FARP1: variants seen among roughly 807,000 people sequenced by gnomAD.
The protein encoded by FARP1 is FERM, ARH/RhoGEF and pleckstrin domain protein 1.
In FARP1, 52 loss-of-function variants were observed where a neutral mutation model predicts 128.8. That is an observed-to-expected ratio of 0.40 (90% CI 0.32 to 0.51). The LOEUF (loss-of-function observed/expected upper bound fraction) is 0.51, where lower values mean the gene tolerates loss of function less well. FARP1 is among the 20% of genes least tolerant of loss of function. FARP1 has a pLI of 0.45. For missense variants in FARP1, 1,333 were observed against 1,367.9 expected, an observed-to-expected ratio of 0.97 and a Z score of 0.40; for synonymous variants, 580 against 551.8, an observed-to-expected ratio of 1.05 and a Z score of -0.72.
intron 2 of FARP1, among the ~76,000 whole-genome samples, chr13:98,337,302 A>G (rs2139850916): frequency 6.6e-6 from 1 of 152,156 alleles, no homozygotes; most frequent in Middle Eastern, 3.4e-3. Flanking sequence ...GAGCCCAGAG[A>G]TTGAGGTTGC....
chr13:98,235,888 A>G (rs144954942), intron 2 of FARP1, among the ~76,000 whole-genome samples: 1 of 139,250 alleles, frequency 7.2e-6, no homozygotes, highest in African/African-American at 2.8e-5. Flanking sequence ...TAATGGTGTG[A>G]TCTCGGCTCA....
At chr13:98,386,914 T>TAG (rs1480095397) in intron 8 of FARP1, among the ~76,000 whole-genome samples, 2 of 152,206 alleles carry the variant, frequency 1.3e-5, no homozygotes, top group Non-Finnish European at 2.9e-5. Context: ...TGCCAGGTAG[T>TAG]AGGGAGTGAC....
chr13:98,187,155 C>A (rs952219576), intron 1 of FARP1, among the ~76,000 whole-genome samples: 2 of 152,098 alleles, frequency 1.3e-5, no homozygotes, highest in African/African-American at 4.8e-5. Context: ...ATTCCATTTT[C>A]TACAGCTCAT....
chr13:98,349,536 T>TG (rs200289657), intron 3 of FARP1, among the ~76,000 whole-genome samples: 1,976 of 151,766 alleles, frequency 0.013, 21 homozygotes, highest in Middle Eastern at 0.021. Context: ...GCCCGTTTGG[T>TG]GGCACGCGTC....
chr13:98,297,202 A>G (rs951325965), intron 2 of FARP1, among the ~76,000 whole-genome samples: 1 of 152,176 alleles, frequency 6.6e-6, no homozygotes, highest in Non-Finnish European at 1.5e-5. Context: ...TCAACTGCAA[A>G]GTGACGTTCA....
chr13:98,438,880 G>C lies in FARP1; in HGVS notation c.2343+8G>C. The C allele has an allele frequency of 1.2e-6, 2 of 1,613,342 alleles. No individual in the cohort carries two copies. Among genetic ancestry groups the C allele is most frequent in the Non-Finnish European group, 1.7e-6 (2 of 1,179,496 alleles). On this transcript the variant is annotated splice_region_variant and intron_variant, in intron 20 of 26. Transcript: ENST00000319562. ...CAGCGCATGTTCTTCCTGGTGAGTG[G>C]AGAGAGCGGCTTGTCCTCACAAGGA... is the stretch of plus-strand genomic sequence containing the variant.
chr13:98,333,436 T>TACACACACACACACACACACACAC (rs60264788), intron 2 of FARP1, among the ~76,000 whole-genome samples: 3 of 139,664 alleles, frequency 2.1e-5, no homozygotes, highest in African/African-American at 5.3e-5. Flanking sequence ...CCCCCACATG[T>TACACACACACACACACACACACAC]ACACACACAC....
intron 2 of FARP1, among the ~76,000 whole-genome samples, chr13:98,224,913 T>A (rs1043539522): frequency 6.6e-6 from 1 of 152,160 alleles, no homozygotes; most frequent in African/African-American, 2.4e-5. Flanking sequence ...CACGGGATCC[T>A]TTTTACCTCC....
chr13:98,352,104 G>A (rs537103054), intron 3 of FARP1, among the ~76,000 whole-genome samples: 2 of 152,216 alleles, frequency 1.3e-5, no homozygotes, highest in South Asian at 2.1e-4. Flanking sequence ...CAGCTACTTA[G>A]CAAAATCAAA....
chr13:98,446,174 A>ACTT lies in FARP1; in HGVS notation c.2876_2878dup (p.Phe959dup), dbSNP rs1162845489. On this transcript the variant is annotated inframe_insertion, in exon 25 of 27. Coordinates refer to ENST00000319562, the MANE Select transcript of FARP1 (RefSeq NM_005766.4). ...CAGAAGCTGTGGGTGGTGTTCACAAACTTCTGCCTGTTCTTCTACAAATCA... is the reference window on the plus strand; with the variant it reads ...CAGAAGCTGTGGGTGGTGTTCACAAACTTCTTCTGCCTGTTCTTCTACAAATCA... 2.5e-6 allele frequency: 4 copies of ACTT among 1,613,556 alleles called. No homozygotes were observed. The African/African-American group carries it at 4.0e-5, about 16-fold the overall frequency.
At chr13:98,443,523 GCCT>G in intron 24 of FARP1, among the ~76,000 whole-genome samples, 1 of 152,336 alleles carries the variant, frequency 6.6e-6, no homozygotes, top group East Asian at 1.9e-4. Flanking sequence ...TGACTCAACA[GCCT>G]CCTCTCCCCA....
chr13:98,323,244 A>AT (rs1197674482), intron 2 of FARP1, among the ~76,000 whole-genome samples: 1 of 152,196 alleles, frequency 6.6e-6, no homozygotes, highest in Admixed American at 6.5e-5. Flanking sequence ...TCATGCACAT[A>AT]TTTTATAATA....
chr13:98,378,064 G>T, intron 6 of FARP1, 146 bp downstream of exon 6: 1 of 631,588 alleles, frequency 1.6e-6, no homozygotes, highest in East Asian at 2.8e-5. Flanking sequence ...ACGGGTGGAA[G>T]AGAAAAACAA....
chr13:98,281,272 G>C (rs1884924170), intron 2 of FARP1, among the ~76,000 whole-genome samples: 1 of 152,100 alleles, frequency 6.6e-6, no homozygotes, highest in Admixed American at 6.6e-5. Context: ...GGAATTGCTT[G>C]ATCCCAGGAG....
At chr13:98,386,328 A>AT (rs1555342724) in intron 8 of FARP1, among the ~76,000 whole-genome samples, 1 of 152,004 alleles carries the variant, frequency 6.6e-6, no homozygotes, top group Non-Finnish European at 1.5e-5. Flanking sequence ...CATTCTTGCA[A>AT]TTTTGTAGCA....
At chr13:98,166,675 A>G (rs1297878398) in intron 1 of FARP1, among the ~76,000 whole-genome samples, 1 of 151,828 alleles carries the variant, frequency 6.6e-6, no homozygotes, top group African/African-American at 2.4e-5. Flanking sequence ...AGTGATGGCA[A>G]ATATTTTCAC....
chr13:98,427,121 G>A (rs1472097897), intron 17 of FARP1, among the ~76,000 whole-genome samples: 2 of 151,850 alleles, frequency 1.3e-5, no homozygotes, highest in Non-Finnish European at 2.9e-5. Flanking sequence ...TAATGACAGG[G>A]ATCCACAGAA....
intron 2 of FARP1, among the ~76,000 whole-genome samples, chr13:98,339,157 C>G (rs2139858295): frequency 6.6e-6 from 1 of 152,294 alleles, no homozygotes; most frequent in Non-Finnish European, 1.5e-5. Flanking sequence ...AAAGAACCAC[C>G]TGAGATTGGG....
At chr13:98,438,913 AC>A in intron 20 of FARP1, 41 bp downstream of exon 20, 2 of 1,598,656 alleles carry the variant, frequency 1.3e-6, no homozygotes, top group Non-Finnish European at 8.6e-7. Flanking sequence ...GGATTGTGTC[AC>A]CTGGGCAAGC....
Sources: gnomAD v4.1 joint callset for allele counts (sites outside exome capture counted in the v4.1 genomes callset) on GRCh38, gnomAD v4.1.1 for gene constraint, MANE v1.5 for transcripts, NCBI Gene and HGNC (gene_info 2026-07-23, HGNC 2026-07-21) for gene names.